LRTM1: variants seen among roughly 807,000 people sequenced by gnomAD.
LRTM1 encodes leucine rich repeat transmembrane protein 1, also known as leucine-rich repeat and transmembrane domain-containing protein 1.
Under a neutral mutation model 32.4 loss-of-function variants are expected in LRTM1, and 38 were observed. That is an observed-to-expected ratio of 1.17 (90% confidence interval 0.91 to 1.54). LRTM1 has a LOEUF of 1.54. Among genes scored for constraint, LRTM1 ranks in the 40% most tolerant of loss-of-function variants. LRTM1 has a pLI of 0.00. For missense variants in LRTM1, 466 were observed against 415.4 expected, an observed-to-expected ratio of 1.12 and a Z score of -1.06; for synonymous variants, 186 against 169.9, an observed-to-expected ratio of 1.09 and a Z score of -0.74.
chr3:54,964,113 C>T (rs1236005059), intron 1 of LRTM1, among the ~76,000 whole-genome samples: 1 of 152,078 alleles, frequency 6.6e-6, no homozygotes, highest in Non-Finnish European at 1.5e-5. Flanking sequence ...TTCCAAAGAC[C>T]ATCCCAGTAT....
chr3:54,950,077 G>A (rs992465811), intron 1 of LRTM1, among the ~76,000 whole-genome samples: 7 of 152,146 alleles, frequency 4.6e-5, no homozygotes, highest in Non-Finnish European at 1.0e-4. Flanking sequence ...TAAGTGGTTG[G>A]CACCTGAAAA....
chr3:54,933,407 C>T (rs1475937365), intron 1 of LRTM1, among the ~76,000 whole-genome samples: 1 of 152,194 alleles, frequency 6.6e-6, no homozygotes, highest in African/African-American at 2.4e-5. Context: ...GCTTCTTCCA[C>T]CTTTTGGCTG....
intron 1 of LRTM1, among the ~76,000 whole-genome samples, chr3:54,956,999 A>G (rs1701914131): frequency 1.3e-5 from 2 of 152,120 alleles, no homozygotes; most frequent in African/African-American, 4.8e-5. Flanking sequence ...CTTCTCCAAT[A>G]TCAAGTTTGC....
upstream of LRTM1, among the ~76,000 whole-genome samples, chr3:54,928,497 G>C (rs930025912): frequency 4.6e-5 from 7 of 152,158 alleles, no homozygotes; most frequent in African/African-American, 1.7e-4. Flanking sequence ...TTGGCCTGCT[G>C]GAGGCTGACA....
intron 1 of LRTM1, among the ~76,000 whole-genome samples, chr3:54,945,417 C>A (rs1575397706): frequency 6.6e-6 from 1 of 152,282 alleles, no homozygotes; most frequent in East Asian, 1.9e-4. Flanking sequence ...TTTGACCTCT[C>A]TCTCCTGTAT....
chr3:54,942,104 G>C (rs372845430), intron 1 of LRTM1, among the ~76,000 whole-genome samples: 2 of 152,372 alleles, frequency 1.3e-5, no homozygotes, highest in African/African-American at 2.4e-5. Flanking sequence ...GTGTTGGCTA[G>C]AGCCTGGCAA....
At chr3:54,931,754 A>C (rs1030443193), upstream of LRTM1, among the ~76,000 whole-genome samples, 11 of 152,202 alleles carry the variant, frequency 7.2e-5, no homozygotes, top group African/African-American at 2.4e-4. Flanking sequence ...ATGTTTTCTA[A>C]TATGTTAGTC....
At chr3:54,965,333 G>A (rs750557674) in intron 1 of LRTM1, among the ~76,000 whole-genome samples, 7 of 152,226 alleles carry the variant, frequency 4.6e-5, no homozygotes, top group African/African-American at 7.2e-5. Flanking sequence ...TTCTTCTCAA[G>A]CCTCCAAACA....
At chr3:54,938,259 G>T (rs987618404) in intron 1 of LRTM1, among the ~76,000 whole-genome samples, 2 of 152,240 alleles carry the variant, frequency 1.3e-5, no homozygotes, top group Non-Finnish European at 2.9e-5. Flanking sequence ...CTGTGAGTTT[G>T]TGTATATGTT....
At chr3:54,918,991 G>T in intron 2 of LRTM1, 99 bp from the exon 3 acceptor site, 2 of 919,898 alleles carry the variant, frequency 2.2e-6, no homozygotes, top group Non-Finnish European at 2.9e-6. Flanking sequence ...AATTTATGAA[G>T]TACCTTTTTT....
At chr3:54,959,933 A>G (rs1321277018) in intron 1 of LRTM1, among the ~76,000 whole-genome samples, 1 of 152,134 alleles carries the variant, frequency 6.6e-6, no homozygotes, top group African/African-American at 2.4e-5. Context: ...GTGAAAAGAA[A>G]ATTATTATTC....
chr3:54,925,146 T>A lies in LRTM1; in HGVS notation c.77A>T (p.Tyr26Phe), dbSNP rs779680988. 2 of 1,614,070 alleles carry A rather than the reference T, an allele frequency of 1.2e-6. No homozygotes were observed. Among genetic ancestry groups the A allele is most frequent in the South Asian group, 2.2e-5 (2 of 91,048 alleles). ...TACAAAATTTGTAGATGACTGACAG[T>A]AACACTTGTCCGGGCAGCTGCATAC... ...QVVCSCPDKC[Y>F]CQSSTNFVDC... is the part of the protein sequence containing the mutation. Residue 26 changes from tyrosine to phenylalanine, a missense_variant, in exon 2 of 3, where the codon TAC becomes TTC. Transcript: ENST00000273286.
In LRTM1 at chr3:54,918,347, TTTTTTTTTGTC is replaced by T; in HGVS notation, c.*101_*111del. 2.6e-6 allele frequency: 1 copy of T among 389,702 alleles called. No homozygotes were observed. The highest frequency in any genetic ancestry group is 7.8e-5 in the South Asian group (1 of 12,872). 24.1% of individuals were successfully genotyped at this position (389,702 alleles called of 1,614,324 possible). A position where few individuals can be genotyped will look rare whatever the true frequency, so the allele number is the denominator to read the frequency against. ...TTTTTTTTTTCTTTTTTTTTTTTTT[TTTTTTTTTGTC>T]TTTTGGCAAAAGCAAAATCAGACTA... is the stretch of plus-strand genomic sequence containing the variant. On this transcript the variant is annotated 3_prime_UTR_variant, in exon 3 of 3. Coordinates refer to ENST00000273286, the MANE Select transcript of LRTM1 (RefSeq NM_020678.4).
intron 1 of LRTM1, among the ~76,000 whole-genome samples, chr3:54,956,611 C>T (rs1310624380): frequency 6.6e-6 from 1 of 152,064 alleles, no homozygotes; most frequent in Non-Finnish European, 1.5e-5. Flanking sequence ...AATTCCTGCT[C>T]ATCCTACAGA....
intron 1 of LRTM1, among the ~76,000 whole-genome samples, chr3:54,962,221 G>A (rs1559646498): frequency 1.3e-5 from 2 of 152,120 alleles, no homozygotes; most frequent in African/African-American, 4.8e-5. Context: ...CATAGCACAG[G>A]TTTTGAATGG....
upstream of LRTM1, among the ~76,000 whole-genome samples, chr3:54,931,100 C>G (rs1324086821): frequency 6.6e-6 from 1 of 151,930 alleles, no homozygotes; most frequent in Non-Finnish European, 1.5e-5. Context: ...CTTCTCAAAA[C>G]AAAACAAAAA....
intron 1 of LRTM1, among the ~76,000 whole-genome samples, chr3:54,955,355 G>A (rs1397375238): frequency 6.6e-6 from 1 of 152,116 alleles, no homozygotes; most frequent in Non-Finnish European, 1.5e-5. Context: ...GTCTGTCTGG[G>A]CTGGTGATGA....
intron 2 of LRTM1, among the ~76,000 whole-genome samples, chr3:54,923,809 G>C (rs1212556855): frequency 2.0e-5 from 3 of 152,112 alleles, no homozygotes; most frequent in African/African-American, 7.2e-5. Flanking sequence ...AACCTCTCTG[G>C]GACTCTGTTG....
intron 1 of LRTM1, among the ~76,000 whole-genome samples, chr3:54,953,085 G>T (rs1271626507): frequency 2.6e-5 from 4 of 152,176 alleles, no homozygotes; most frequent in Non-Finnish European, 5.9e-5. Context: ...ATTAAATAAT[G>T]CATGTATTTA....
Sources: allele counts gnomAD v4.1 joint callset (sites outside exome capture counted in the v4.1 genomes callset), GRCh38; gene constraint gnomAD v4.1.1; transcripts MANE v1.5; gene names NCBI Gene and HGNC (gene_info 2026-07-23, HGNC 2026-07-21).